PNLIP: variants seen among roughly 807,000 people sequenced by gnomAD.
PNLIP encodes the protein pancreatic triacylglycerol lipase.
Under a neutral mutation model 57.1 loss-of-function variants are expected in PNLIP, and 49 were observed. The ratio of observed to expected loss-of-function variants is 0.86; its 90% CI spans 0.68 to 1.09. The LOEUF (loss-of-function observed/expected upper bound fraction) is 1.09. PNLIP is among the 50% of genes least tolerant of loss of function. The probability of loss-of-function intolerance (pLI) is 0.00; values close to 1 mark genes in which losing one functional copy is unlikely to be tolerated. For synonymous variants in PNLIP, 209 were observed against 200.4 expected (o/e 1.04, Z -0.36); for missense variants, 503 against 570.2 (o/e 0.88, Z 1.20).
Position 116,567,790 on chromosome 10 carries a change from C to T in PNLIP, c.1390C>T (p.Pro464Ser). The T allele has an allele frequency of 6.2e-7, 1 of 1,612,072 alleles. No individual in the cohort carries two copies. The highest frequency in any genetic ancestry group is 8.5e-7 in the Non-Finnish European group (1 of 1,178,096). Residue 464 changes from proline to serine, a missense_variant, in exon 13 of 13, where the codon CCG (proline) becomes TCG (serine). Pro to Ser is a moderately conservative substitution (Grantham distance 74). Coordinates refer to ENST00000369221, the MANE Select transcript of PNLIP (RefSeq NM_000936.4). ...GGAGGAAGTTCTGCTCACCCTCACA[C>T]CGTGTTAGGAGACTACTGTTATTTG... ...VREEVLLTLT[P>S]C is the part of the protein sequence containing the mutation.
At chr10:116,558,221 G>A (rs1847273900) in intron 9 of PNLIP, among the ~76,000 whole-genome samples, 6 of 144,300 alleles carry the variant, frequency 4.2e-5, no homozygotes, top group Admixed American at 1.4e-4. Flanking sequence ...TTTTTGAGAC[G>A]GAGTCTCGCT....
chr10:116,553,711 G>T lies in PNLIP; in HGVS notation c.460-16G>T, dbSNP rs1847219365. 1 of 1,542,078 alleles carries T rather than the reference G, an allele frequency of 6.5e-7. No homozygotes were observed. The highest frequency in any genetic ancestry group is 9.0e-7 in the Non-Finnish European group (1 of 1,114,904). On this transcript the variant is annotated splice_polypyrimidine_tract_variant and intron_variant, in intron 5 of 12. Coordinates refer to ENST00000369221, the MANE Select transcript of PNLIP (RefSeq NM_000936.4). ...CTGCACTTGAAAACATTCTGAAAAG[G>T]TTTTCTTTCCGACAGTCGGCGTTCG...
chr10:116,558,592 C>G (rs1247104566), intron 9 of PNLIP, among the ~76,000 whole-genome samples: 1 of 151,492 alleles, frequency 6.6e-6, no homozygotes, highest in Non-Finnish European at 1.5e-5. Context: ...TAGATACACA[C>G]ACACACACAC....
Position 116,555,394 on chromosome 10 carries a change from G to A in PNLIP, c.698G>A (p.Gly233Glu), listed in dbSNP as rs1373452993. ...GAPIVPNLGF[G>E]MSQVVGHLDF... The stretch of plus-strand genomic sequence containing the variant: ...TGTATTTTTATGATTTCAGGGTTTG[G>A]AATGAGCCAAGTCGTGGGCCACCTA... Residue 233 changes from glycine (G) to glutamate (E), a missense_variant, in exon 8 of 13, where the codon GGA becomes GAA. Gly to Glu is a moderately conservative substitution (Grantham distance 98). Transcript: ENST00000369221. The A allele has an allele frequency of 1.2e-6, 2 of 1,614,150 alleles. No individual in the cohort carries two copies. Among genetic ancestry groups the A allele is most frequent in the Admixed American group, 3.3e-5 (2 of 60,010 alleles).
intron 12 of PNLIP, among the ~76,000 whole-genome samples, chr10:116,567,372 C>T (rs1186807309): frequency 6.6e-6 from 1 of 152,082 alleles, no homozygotes; most frequent in Non-Finnish European, 1.5e-5. Flanking sequence ...CAACGTAACA[C>T]CAGAAATTAG....
In PNLIP at chr10:116,559,841, A is replaced by G. The variant is rs139482596; in HGVS notation, c.1060+558A>G. On this transcript the variant is annotated intron_variant, in intron 10 of 12. Coordinates refer to ENST00000369221, the MANE Select transcript of PNLIP (RefSeq NM_000936.4). ...TTTTTAAATACTAATGACAAATTTT[A>G]TCTCCTCCCCAATTTGCTCTGCCTA... Among the ~76,000 whole-genome samples, 528 of 152,298 alleles carry G rather than the reference A, an allele frequency of 3.5e-3. 4 individuals carry two copies. The highest frequency in any genetic ancestry group is 0.012 in the African/African-American group (491 of 41,566).
At chr10:116,555,681 T>G (rs1318171733) in intron 8 of PNLIP, among the ~76,000 whole-genome samples, 174 bp downstream of exon 8, 1 of 152,216 alleles carries the variant, frequency 6.6e-6, no homozygotes, top group Non-Finnish European at 1.5e-5. Context: ...ATGAGGAGAC[T>G]GGGAAAGAAA....
chr10:116,550,846 G>A (rs1217460640), intron 4 of PNLIP, among the ~76,000 whole-genome samples: 1 of 152,098 alleles, frequency 6.6e-6, no homozygotes, highest in Non-Finnish European at 1.5e-5. Context: ...TGAACTAAAT[G>A]TCTCTGTATC....
At chr10:116,561,692 A>G in intron 12 of PNLIP, 56 bp downstream of exon 12, 1 of 1,476,654 alleles carries the variant, frequency 6.8e-7, no homozygotes, top group South Asian at 1.3e-5. Context: ...TTATAGTTCT[A>G]TTCCCACTAA....
At chr10:116,550,053 C>CTTTTTTTTT (rs1176488381) in intron 4 of PNLIP, among the ~76,000 whole-genome samples, 4 of 98,920 alleles carry the variant, frequency 4.0e-5, no homozygotes, top group Non-Finnish European at 3.9e-5. Context: ...TTCTCAAATT[C>CTTTTTTTTT]TTTTTTTTTT....
In PNLIP at chr10:116,548,343, C is replaced by T. The variant is rs370837768; in HGVS notation, c.202-17C>T. 6 of 1,612,784 alleles carry T rather than the reference C, an allele frequency of 3.7e-6. No individual in the cohort carries two copies. The highest frequency in any genetic ancestry group is 5.1e-6 in the Non-Finnish European group (6 of 1,179,360). Reference sequence around the variant, plus strand: ...TACTATAGGAAACTGACATGAAACACTTTTCTGTCTAAACAGGAAGTTGCC... The same window carrying T: ...TACTATAGGAAACTGACATGAAACATTTTTCTGTCTAAACAGGAAGTTGCC... On this transcript the variant is annotated splice_polypyrimidine_tract_variant and intron_variant, in intron 3 of 12. Coordinates refer to ENST00000369221, the MANE Select transcript of PNLIP (RefSeq NM_000936.4).
chr10:116,547,812 G>GA lies in PNLIP; in HGVS notation c.201+371dup, dbSNP rs924516105. Among the ~76,000 whole-genome samples the GA allele has an allele frequency of 4.6e-5, 7 of 150,538 alleles. No individual in the cohort carries two copies. The Middle Eastern group carries it at 0.011, about 227-fold the overall frequency. On this transcript the variant is annotated intron_variant, in intron 3 of 12. Transcript: ENST00000369221. The stretch of plus-strand genomic sequence containing the variant: ...ATACTGAATATTCAAGTTCTTAAGA[G>GA]AAAAAAATCAGCCGTGAAATTTGCA...
intron 10 of PNLIP, among the ~76,000 whole-genome samples, chr10:116,559,773 A>G (rs1306505130): frequency 6.6e-6 from 1 of 152,196 alleles, no homozygotes; most frequent in Non-Finnish European, 1.5e-5. Flanking sequence ...CAAATAACAG[A>G]GGAATAAAAT....
chr10:116,558,803 T>C (rs2133205594), intron 9 of PNLIP, among the ~76,000 whole-genome samples: 1 of 152,138 alleles, frequency 6.6e-6, no homozygotes, highest in African/African-American at 2.4e-5. Context: ...TTTTGCATTT[T>C]TAGTAGAGAC....
At position 116,546,113 on chromosome 10, in the gene PNLIP, T is replaced by G. The variant is rs768373081; in HGVS notation, c.21T>G (p.Leu7=). Residue 7 remains leucine, a synonymous_variant, in exon 2 of 13, where the codon CTT becomes CTG. Coordinates refer to ENST00000369221, the MANE Select transcript of PNLIP (RefSeq NM_000936.4). MLPLWT[L]SLLLGAVAGK... ...TGTAGATGCTGCCACTTTGGACTCTTTCACTGCTGCTGGGAGCAGTAGCAG... is the reference window on the plus strand; with the variant it reads ...TGTAGATGCTGCCACTTTGGACTCTGTCACTGCTGCTGGGAGCAGTAGCAG... 1.2e-6 allele frequency: 2 copies of G among 1,613,824 alleles called. No individual in the cohort carries two copies. Among genetic ancestry groups the G allele is most frequent in the South Asian group, 2.2e-5 (2 of 91,056 alleles).
In PNLIP at chr10:116,546,447, C is replaced by G. The variant is rs372383029; in HGVS notation, c.46+309C>G. Reference sequence around the variant, plus strand: ...TTACTTGTATTTTGATTTGCTAAATCTAGCAACCCTGACATCAAGTCAAGT... The same window carrying G: ...TTACTTGTATTTTGATTTGCTAAATGTAGCAACCCTGACATCAAGTCAAGT... On this transcript the variant is annotated intron_variant, in intron 2 of 12. Coordinates refer to ENST00000369221, the MANE Select transcript of PNLIP (RefSeq NM_000936.4). Among the ~76,000 whole-genome samples the G allele has an allele frequency of 1.5e-4, 23 of 152,306 alleles. No homozygotes were observed. The South Asian group carries it at 3.5e-3, about 23-fold the overall frequency.
intron 11 of PNLIP, 144 bp downstream of exon 11, chr10:116,560,668 C>T (rs1004124959): frequency 4.3e-6 from 2 of 465,470 alleles, no homozygotes; most frequent in Non-Finnish European, 7.6e-6. Flanking sequence ...ACCTCTGCCT[C>T]TAGGGTTCAA....
chr10:116,554,624 C>T (rs535613687), intron 6 of PNLIP, among the ~76,000 whole-genome samples: 1 of 152,182 alleles, frequency 6.6e-6, no homozygotes, highest in East Asian at 1.9e-4. Flanking sequence ...CTGTGTTCAA[C>T]CTTTTTGTCT....
At chr10:116,553,290 A>G (rs1035712248) in intron 5 of PNLIP, among the ~76,000 whole-genome samples, 2 of 152,138 alleles carry the variant, frequency 1.3e-5, no homozygotes, top group African/African-American at 4.8e-5. Context: ...ACTTTTGTAG[A>G]GACGGGGTTT....
Sources: allele counts gnomAD v4.1 joint callset (sites outside exome capture counted in the v4.1 genomes callset), GRCh38; gene constraint gnomAD v4.1.1; transcripts MANE v1.5; gene names NCBI Gene and HGNC (gene_info 2026-07-23, HGNC 2026-07-21).